The following STAM2 variants were observed in gnomAD, a reference collection of about 807,000 sequenced individuals.
STAM2 encodes signal transducing adapter molecule 2.
Under a neutral mutation model 65.6 loss-of-function variants are expected in STAM2, and 51 were observed. The observed-to-expected ratio is 0.78, with a 90% CI of 0.62 to 0.98. The LOEUF is 0.98. Ranked by LOEUF, STAM2 falls within the 50% of genes least tolerant of loss-of-function variation. The probability of loss-of-function intolerance (pLI) is 0.00; values close to 1 mark genes in which losing one functional copy is unlikely to be tolerated. For missense variants in STAM2, 584 were observed against 617.8 expected, an observed-to-expected ratio of 0.95 and a Z score of 0.58; for synonymous variants, 198 against 208.4, an observed-to-expected ratio of 0.95 and a Z score of 0.43.
rs531541049 is a variant in STAM2 at position 152,165,960 on chromosome 2, C to T, written c.40+9643G>A. ...GCTTATGCCTGTAACTCCAGCACTG[C>T]GGGAGGTCAAGGCGGGCGGATTACA... On this transcript the variant is annotated intron_variant, in intron 1 of 13. Coordinates refer to ENST00000263904, the MANE Select transcript of STAM2 (RefSeq NM_005843.6). Among the ~76,000 whole-genome samples, 20 of 152,052 alleles carry T rather than the reference C, an allele frequency of 1.3e-4. 1 individual carries two copies. The highest frequency in any genetic ancestry group is 3.3e-4 in the Admixed American group (5 of 15,268).
intron 7 of STAM2, among the ~76,000 whole-genome samples, chr2:152,143,352 A>G (rs1182756869): frequency 6.6e-6 from 1 of 152,240 alleles, no homozygotes; most frequent in Non-Finnish European, 1.5e-5. Context: ...ATTAAGCTCT[A>G]CAGAGATTGA....
chr2:152,131,778 T>A (rs983855128), intron 11 of STAM2: 15 of 254,176 alleles, frequency 5.9e-5, no homozygotes, highest in Non-Finnish European at 9.8e-5. Context: ...GTGGCAATGA[T>A]GGGCACGGCA....
chr2:152,159,875 C>T (rs904153831), intron 1 of STAM2, among the ~76,000 whole-genome samples: 5 of 152,230 alleles, frequency 3.3e-5, no homozygotes, highest in South Asian at 2.1e-4. Flanking sequence ...ATTGCAGGCG[C>T]GCGCCGCCAC....
rs1689311377 is a variant in STAM2, at chr2:152,144,919, G to A, written c.486C>T (p.Asn162=). The part of the protein sequence containing the change: ...SAAAKNGTSS[N]KNKEDEDIAK... ...CTATGTCTTCATCCTCTTTGTTTTT[G>A]TTCGATGACGTACCATTCTTGGCAG... is the stretch of plus-strand genomic sequence containing the variant. Residue 162 remains asparagine (N), a synonymous_variant, in exon 6 of 14, where the codon AAC becomes AAT. Transcript: ENST00000263904. The A allele has an allele frequency of 6.2e-7, 1 of 1,613,668 alleles. No individual in the cohort carries two copies. Among genetic ancestry groups the A allele is most frequent in the African/African-American group, 1.3e-5 (1 of 74,876 alleles).
At chr2:152,123,626 G>T in intron 13 of STAM2, 140 bp downstream of exon 13, 1 of 863,962 alleles carries the variant, frequency 1.2e-6, no homozygotes. Flanking sequence ...GGGTAGCAAA[G>T]CTAAGGTAAC....
At chr2:152,134,230 GCTAA>G (rs1186044085) in intron 8 of STAM2, among the ~76,000 whole-genome samples, 1 of 152,050 alleles carries the variant, frequency 6.6e-6, no homozygotes, top group Non-Finnish European at 1.5e-5. Context: ...CAAATATTTG[GCTAA>G]CTTTCAAAGA....
chr2:152,120,806 C>T lies in STAM2; in HGVS notation c.1350-4G>A, dbSNP rs1688838923. 2 of 1,611,074 alleles carry T rather than the reference C, an allele frequency of 1.2e-6. No homozygotes were observed. Among genetic ancestry groups the T allele is most frequent in the Non-Finnish European group, 1.7e-6 (2 of 1,177,448 alleles). On this transcript the variant is annotated splice_polypyrimidine_tract_variant and splice_region_variant and intron_variant, in intron 13 of 13. Coordinates refer to ENST00000263904, the MANE Select transcript of STAM2 (RefSeq NM_005843.6). ...GGAAACAGTGTCTTGTCCAGTGCTA[C>T]AAACAAAATTTTAAAAAGAAAACCA...
rs750423669 is a variant in STAM2, at chr2:152,135,595, T to C, written c.713A>G (p.Asn238Ser). 40 of 1,608,414 alleles carry C rather than the reference T, an allele frequency of 2.5e-5. No individual in the cohort carries two copies. The highest frequency in any genetic ancestry group is 6.7e-5 in the African/African-American group (5 of 74,736). ...IIIVLDDSDANWWKGENHRGI... is the reference protein window; with the variant it reads ...IIIVLDDSDASWWKGENHRGI... ...TCTGTGATTTTCTCCTTTCCACCAA[T>C]TGGCATCACTAAAAATACAGTGCAA... The change falls in exon 8 of 14, where the codon AAT becomes AGT. Residue 238 changes from asparagine to serine, a missense_variant. Asn to Ser is a conservative substitution (Grantham distance 46). Transcript: ENST00000263904.
intron 1 of STAM2, among the ~76,000 whole-genome samples, chr2:152,161,368 T>C (rs943524989): frequency 9.9e-5 from 15 of 151,128 alleles, no homozygotes; most frequent in African/African-American, 3.2e-4. Context: ...TGCGGAAGGC[T>C]GCAGGGTCCT....
chr2:152,167,519 C>A (rs543018716), intron 1 of STAM2, among the ~76,000 whole-genome samples: 37 of 152,304 alleles, frequency 2.4e-4, no homozygotes, highest in East Asian at 1.9e-4. Flanking sequence ...ATCCTTCTCA[C>A]CCATGGTGTT....
chr2:152,153,611 C>T (rs1689486044), intron 1 of STAM2, among the ~76,000 whole-genome samples: 1 of 152,080 alleles, frequency 6.6e-6, no homozygotes, highest in Non-Finnish European at 1.5e-5. Flanking sequence ...TTTTTGCCTA[C>T]TGAAAGTTCT....
At chr2:152,174,825 C>A (rs144903073) in intron 1 of STAM2, among the ~76,000 whole-genome samples, 30 of 152,338 alleles carry the variant, frequency 2.0e-4, no homozygotes, top group Admixed American at 2.0e-3. Flanking sequence ...AGAATACATA[C>A]ATATATTTCT....
At chr2:152,140,844 C>G (rs1689232493) in intron 7 of STAM2, among the ~76,000 whole-genome samples, 1 of 152,160 alleles carries the variant, frequency 6.6e-6, no homozygotes, top group Admixed American at 6.6e-5. Flanking sequence ...AGAAAACAAA[C>G]ATGGAGTGGG....
intron 1 of STAM2, among the ~76,000 whole-genome samples, chr2:152,163,733 G>C (rs1165631216): frequency 3.3e-5 from 5 of 152,110 alleles, no homozygotes; most frequent in African/African-American, 1.2e-4. Flanking sequence ...CCTAGGAAAA[G>C]AATTGCATTC....
At chr2:152,169,411 G>A (rs1429161040) in intron 1 of STAM2, among the ~76,000 whole-genome samples, 2 of 151,738 alleles carry the variant, frequency 1.3e-5, no homozygotes, top group Non-Finnish European at 2.9e-5. Context: ...CGAGTAGCTC[G>A]GACTACAGGT....
chr2:152,172,404 CCT>C (rs936321960), intron 1 of STAM2, among the ~76,000 whole-genome samples: 6 of 151,964 alleles, frequency 3.9e-5, no homozygotes, highest in African/African-American at 1.5e-4. Flanking sequence ...TTTCTCAGCC[CCT>C]GAGAAAAGGA....
At chr2:152,123,174 A>AT (rs1688892734) in intron 13 of STAM2, among the ~76,000 whole-genome samples, 1 of 152,074 alleles carries the variant, frequency 6.6e-6, no homozygotes, top group African/African-American at 2.4e-5. Flanking sequence ...GTTCGAGACC[A>AT]GCCTGACCAA....
chr2:152,132,020 C>A, intron 11 of STAM2, 94 bp downstream of exon 11: 1 of 822,936 alleles, frequency 1.2e-6, no homozygotes, highest in Non-Finnish European at 2.0e-6. Flanking sequence ...ATGAATTGTA[C>A]AGTTCCACAA....
intron 6 of STAM2, 130 bp from the exon 7 acceptor site, chr2:152,144,143 T>C (rs530609165): frequency 2.6e-6 from 2 of 760,990 alleles, no homozygotes; most frequent in Non-Finnish European, 4.1e-6. Context: ...ACAGTTAACT[T>C]TCGGGAGGGT....
Sources: gnomAD v4.1 joint callset for allele counts (sites outside exome capture counted in the v4.1 genomes callset) on GRCh38, gnomAD v4.1.1 for gene constraint, MANE v1.5 for transcripts, NCBI Gene and HGNC (gene_info 2026-07-23, HGNC 2026-07-21) for gene names.